TYW3: variants seen among roughly 807,000 people sequenced by gnomAD.
TYW3 encodes the protein tRNA wybutosine-synthesizing protein 3 homolog.
Under a neutral mutation model 23.1 loss-of-function variants are expected in TYW3, and 26 were observed. The ratio of observed to expected loss-of-function variants is 1.13; its 90% CI spans 0.83 to 1.56. TYW3 has a LOEUF of 1.56. TYW3 is among the 40% of genes most tolerant of loss of function. The pLI, the probability that TYW3 is intolerant of heterozygous loss-of-function variation, is 0.00. For missense variants in TYW3, 316 were observed against 311.9 expected, an observed-to-expected ratio of 1.01 and a Z score of -0.10; for synonymous variants, 102 against 105.7, an observed-to-expected ratio of 0.97 and a Z score of 0.21.
At chr1:74,746,755 TA>T (rs1648578997) in intron 3 of TYW3, among the ~76,000 whole-genome samples, 1 of 152,292 alleles carries the variant, frequency 6.6e-6, no homozygotes, top group African/African-American at 2.4e-5. Flanking sequence ...AAGAGGTGGT[TA>T]AAGAAGGCCT....
chr1:74,766,350 A>T lies in TYW3; in HGVS notation c.*2237A>T, dbSNP rs1309568591. 1 of 152,130 alleles carries T rather than the reference A, an allele frequency of 6.6e-6. No individual in the cohort carries two copies. Among genetic ancestry groups the T allele is most frequent in the African/African-American group, 2.4e-5 (1 of 41,444 alleles). 9.4% of individuals were successfully genotyped at this position (152,130 alleles called of 1,614,324 possible). A position where few individuals can be genotyped will look rare whatever the true frequency, so the allele number is the denominator to read the frequency against. Reference sequence around the variant, plus strand: ...TGTTATCATAGAAGGTGACAGCTTCATGTGTGTTATTGCCCCTGAAGACCT... The same window carrying T: ...TGTTATCATAGAAGGTGACAGCTTCTTGTGTGTTATTGCCCCTGAAGACCT... On this transcript the variant is annotated 3_prime_UTR_variant, in exon 6 of 6. Coordinates refer to ENST00000370867, the MANE Select transcript of TYW3 (RefSeq NM_138467.3).
At chr1:74,747,645 A>G (rs573383164) in intron 3 of TYW3, among the ~76,000 whole-genome samples, 11 of 151,540 alleles carry the variant, frequency 7.3e-5, no homozygotes, top group African/African-American at 2.4e-4. Flanking sequence ...TCAAAAAAAA[A>G]AAAAAGAAAA....
chr1:74,748,772 G>A lies in TYW3; in HGVS notation c.376G>A (p.Gly126Ser), dbSNP rs1322096785. 6.2e-7 allele frequency: 1 copy of A among 1,613,860 alleles called. No individual in the cohort carries two copies. The highest frequency in any genetic ancestry group is 2.2e-5 in the East Asian group (1 of 44,860). The change falls in exon 4 of 6, where the codon GGT (glycine) becomes AGT (serine). Residue 126 changes from glycine (G) to serine (S), a missense_variant. By Grantham distance (56) the Gly-to-Ser change is moderately conservative. Coordinates refer to ENST00000370867, the MANE Select transcript of TYW3 (RefSeq NM_138467.3). ...QILHSMAIDS[G>S]FRNSGITVGK... ...ACAGCATTCCATGGCAATAGATTCTGGTTTCAGGAACTCTGGCATAACGGT... is the reference window on the plus strand; with the variant it reads ...ACAGCATTCCATGGCAATAGATTCTAGTTTCAGGAACTCTGGCATAACGGT...
intron 2 of TYW3, 125 bp from the exon 3 acceptor site, chr1:74,738,565 C>T (rs1648232718): frequency 1.9e-6 from 1 of 532,904 alleles, no homozygotes; most frequent in Non-Finnish European, 3.1e-6. Context: ...GGAAAAGTTA[C>T]TGCAGAAAAA....
chr1:74,761,195 T>C (rs1306063612), intron 5 of TYW3, among the ~76,000 whole-genome samples: 1 of 152,152 alleles, frequency 6.6e-6, no homozygotes, highest in Non-Finnish European at 1.5e-5. Context: ...TACTGAGTAC[T>C]GTTTCTCAAA....
intron 3 of TYW3, among the ~76,000 whole-genome samples, chr1:74,747,912 C>T (rs557110596): frequency 9.9e-5 from 15 of 151,380 alleles, no homozygotes; most frequent in East Asian, 5.8e-4. Context: ...TATATACACA[C>T]GTATATACAT....
chr1:74,741,382 C>T, intron 3 of TYW3, among the ~76,000 whole-genome samples: 1 of 149,474 alleles, frequency 6.7e-6, no homozygotes, highest in Admixed American at 6.7e-5. Context: ...GATCTTGGGA[C>T]TCCTGAGCTG....
chr1:74,743,083 T>A (rs1465832231), intron 3 of TYW3, among the ~76,000 whole-genome samples: 1 of 152,172 alleles, frequency 6.6e-6, no homozygotes, highest in Non-Finnish European at 1.5e-5. Flanking sequence ...AGAGAACGTT[T>A]GTTCTCTGGG....
intron 5 of TYW3, among the ~76,000 whole-genome samples, chr1:74,755,744 A>G (rs960313000): frequency 6.6e-6 from 1 of 152,238 alleles, no homozygotes; most frequent in African/African-American, 2.4e-5. Context: ...AGCAGGGCCT[A>G]AAATGCAGGC....
At position 74,765,575 on chromosome 1, in the gene TYW3, G is replaced by A. The variant is rs1649277866; in HGVS notation, c.*1462G>A. 1 of 151,962 alleles carries A rather than the reference G, an allele frequency of 6.6e-6. No homozygotes were observed. Among genetic ancestry groups the A allele is most frequent in the Admixed American group, 6.6e-5 (1 of 15,240 alleles). 9.4% of individuals were successfully genotyped at this position (151,962 alleles called of 1,614,324 possible). A position where few individuals can be genotyped will look rare whatever the true frequency, so the allele number is the denominator to read the frequency against. On this transcript the variant is annotated 3_prime_UTR_variant, in exon 6 of 6. Coordinates refer to ENST00000370867, the MANE Select transcript of TYW3 (RefSeq NM_138467.3). ...TGCCTGGAGCATTTCTTCTAGTCTG[G>A]TGGACAGAATATGAAAGTATCTGCC...
intron 5 of TYW3, among the ~76,000 whole-genome samples, chr1:74,757,452 T>C (rs921311755): frequency 3.9e-5 from 6 of 152,362 alleles, no homozygotes; most frequent in African/African-American, 1.4e-4. Flanking sequence ...GGAGCTTTAA[T>C]GTTTGACTGC....
chr1:74,764,363 C>G lies in TYW3; in HGVS notation c.*250C>G. 6.0e-6 allele frequency: 2 copies of G among 334,030 alleles called. No individual in the cohort carries two copies. The highest frequency in any genetic ancestry group is 4.3e-5 in the African/African-American group (2 of 47,044). 20.7% of individuals were successfully genotyped at this position (334,030 alleles called of 1,614,324 possible). ...TATCCCTACTTTTTTACCAGTTTCTCCCAGAAGCACCTGCTTAATAAATCA... is the reference window on the plus strand; with the variant it reads ...TATCCCTACTTTTTTACCAGTTTCTGCCAGAAGCACCTGCTTAATAAATCA... On this transcript the variant is annotated 3_prime_UTR_variant, in exon 6 of 6. Coordinates refer to ENST00000370867, the MANE Select transcript of TYW3 (RefSeq NM_138467.3).
chr1:74,763,226 G>A (rs1029338916), intron 5 of TYW3, among the ~76,000 whole-genome samples: 4 of 151,934 alleles, frequency 2.6e-5, no homozygotes, highest in South Asian at 2.1e-4. Flanking sequence ...GCCTTTTAAC[G>A]ATGTAATGAT....
chr1:74,754,524 AAG>A (rs1648888203), intron 5 of TYW3, among the ~76,000 whole-genome samples: 2 of 152,286 alleles, frequency 1.3e-5, no homozygotes, highest in Non-Finnish European at 2.9e-5. Flanking sequence ...TGATGTTGAA[AAG>A]AGAAAAAAAT....
At position 74,765,170 on chromosome 1, in the gene TYW3, C is replaced by T. The variant is rs995735946; in HGVS notation, c.*1057C>T. The T allele has an allele frequency of 1.3e-5, 2 of 152,046 alleles. No individual in the cohort carries two copies. The highest frequency in any genetic ancestry group is 4.8e-5 in the African/African-American group (2 of 41,402). The allele number at this position is 152,046 out of a possible 1,614,324, so 9.4% of individuals were successfully genotyped here. A position where few individuals can be genotyped will look rare whatever the true frequency, so the allele number is the denominator to read the frequency against. On this transcript the variant is annotated 3_prime_UTR_variant, in exon 6 of 6. Coordinates refer to ENST00000370867, the MANE Select transcript of TYW3 (RefSeq NM_138467.3). ...AAATCAGTCCAGCACTTTTAGAACCCACTGATAACAGACTTATTCCTGGAG... is the reference window on the plus strand; with the variant it reads ...AAATCAGTCCAGCACTTTTAGAACCTACTGATAACAGACTTATTCCTGGAG...
intron 5 of TYW3, 112 bp from the exon 6 acceptor site, chr1:74,763,782 T>G (rs1649205026): frequency 1.4e-6 from 1 of 692,530 alleles, no homozygotes; most frequent in Admixed American, 3.0e-5. Flanking sequence ...TTTATATTTA[T>G]AAAGCTAATA....
rs1032527132 is a variant in TYW3, at chr1:74,765,630, A to AAAT, written c.*1518_*1520dup. The stretch of plus-strand genomic sequence containing the variant: ...AGTGCAGTAAATGAAAAGAGAAGAT[A>AAAT]AATGAATAAAAAAAAAAGTTATAAA... On this transcript the variant is annotated 3_prime_UTR_variant, in exon 6 of 6. Coordinates refer to ENST00000370867, the MANE Select transcript of TYW3 (RefSeq NM_138467.3). The AAAT allele has an allele frequency of 5.3e-5, 8 of 152,096 alleles. No individual in the cohort carries two copies. The highest frequency in any genetic ancestry group is 1.9e-4 in the African/African-American group (8 of 41,432). The allele number at this position is 152,096 out of a possible 1,614,324, so 9.4% of individuals were successfully genotyped here.
At chr1:74,741,191 C>T (rs1284828508) in intron 3 of TYW3, among the ~76,000 whole-genome samples, 1 of 152,054 alleles carries the variant, frequency 6.6e-6, no homozygotes, top group African/African-American at 2.4e-5. Context: ...TAAAAGGATT[C>T]CATTAAAGGG....
At chr1:74,736,704 G>T in intron 2 of TYW3, 82 bp downstream of exon 2, 1 of 1,135,736 alleles carries the variant, frequency 8.8e-7, no homozygotes, top group Non-Finnish European at 1.3e-6. Context: ...GAAAATTCAA[G>T]GTAATTTATA....
Sources: gnomAD v4.1 joint callset for allele counts (sites outside exome capture counted in the v4.1 genomes callset) on GRCh38, gnomAD v4.1.1 for gene constraint, MANE v1.5 for transcripts, NCBI Gene and HGNC (gene_info 2026-07-23, HGNC 2026-07-21) for gene names.